The following XRCC4 variants were observed in gnomAD, a reference collection of about 807,000 sequenced individuals.
XRCC4 encodes the protein DNA repair protein XRCC4.
A neutral mutation model predicts 39.1 loss-of-function variants in XRCC4; 28 were observed. That is an observed-to-expected ratio of 0.72 (90% CI 0.53 to 0.98). XRCC4 has a LOEUF of 0.98. XRCC4 is among the 50% of genes least tolerant of loss of function. The probability of loss-of-function intolerance (pLI) is 0.00; values close to 1 mark genes in which losing one functional copy is unlikely to be tolerated. For synonymous variants in XRCC4, 123 were observed against 126.4 expected (o/e 0.97, Z 0.18); for missense variants, 350 against 376.4 (o/e 0.93, Z 0.58).
intron 6 of XRCC4, among the ~76,000 whole-genome samples, chr5:83,252,244 G>A (rs1753349301): frequency 6.6e-6 from 1 of 152,056 alleles, no homozygotes; most frequent in South Asian, 2.1e-4. Context: ...TGTATTTTAA[G>A]GTTTGCGTTT....
At chr5:83,279,893 G>A (rs558186069) in intron 7 of XRCC4, 6 of 157,038 alleles carry the variant, frequency 3.8e-5, no homozygotes, top group African/African-American at 1.4e-4. Flanking sequence ...ACAAGTAGGT[G>A]ACACCAGTTG....
Position 83,105,032 on chromosome 5 carries a change from A to T in XRCC4, c.113A>T (p.Asp38Val), listed in dbSNP as rs748540743. Residue 38 changes from aspartate to valine, a missense_variant, in exon 2 of 8, where the codon GAT becomes GTT. Physicochemically the swap from Asp to Val is radical, Grantham distance 152. Coordinates refer to ENST00000396027, the MANE Select transcript of XRCC4 (RefSeq NM_003401.5). Reference protein sequence around the residue: ...LESGFVITLTDGHSAWTGTVS... With the variant: ...LESGFVITLTVGHSAWTGTVS... ...TCTGGTTTTGTTATTACACTTACTG[A>T]TGGTCATTCAGCATGGACTGGGACA... The T allele has an allele frequency of 6.2e-7, 1 of 1,613,296 alleles. No individual in the cohort carries two copies.
At chr5:83,308,557 T>C (rs41484945) in intron 7 of XRCC4, among the ~76,000 whole-genome samples, 2,920 of 152,258 alleles carry the variant, frequency 0.019, 105 homozygotes, top group African/African-American at 0.067. Context: ...TGTACAGGTT[T>C]TGTCCTTAAT....
intron 3 of XRCC4, among the ~76,000 whole-genome samples, chr5:83,129,610 A>G (rs376236455): frequency 7.2e-5 from 11 of 152,062 alleles, no homozygotes; most frequent in African/African-American, 2.4e-4. Flanking sequence ...ATCCATGAGC[A>G]TGGAATGTTC....
At chr5:83,307,568 C>A (rs576488250) in intron 7 of XRCC4, among the ~76,000 whole-genome samples, 1 of 152,144 alleles carries the variant, frequency 6.6e-6, no homozygotes, top group African/African-American at 2.4e-5. Flanking sequence ...TTGGAAGCCA[C>A]ATTTAGTTGT....
chr5:83,306,782 G>A (rs919941933), intron 7 of XRCC4, among the ~76,000 whole-genome samples: 4 of 152,152 alleles, frequency 2.6e-5, no homozygotes, highest in East Asian at 1.9e-4. Flanking sequence ...GCTTTAGCCC[G>A]GGCAGTGACT....
chr5:83,128,185 C>T (rs1747371582), intron 3 of XRCC4, among the ~76,000 whole-genome samples: 1 of 152,066 alleles, frequency 6.6e-6, no homozygotes, highest in Non-Finnish European at 1.5e-5. Flanking sequence ...CAAGTGTTCT[C>T]ATTGTTCAGT....
intron 7 of XRCC4, among the ~76,000 whole-genome samples, chr5:83,304,841 A>G (rs767195417): frequency 2.0e-5 from 3 of 152,214 alleles, no homozygotes; most frequent in Non-Finnish European, 4.4e-5. Flanking sequence ...ATATCTACCT[A>G]AAAATATCTG....
At chr5:83,281,782 T>C (rs186661894) in intron 7 of XRCC4, among the ~76,000 whole-genome samples, 3 of 152,332 alleles carry the variant, frequency 2.0e-5, no homozygotes, top group African/African-American at 7.2e-5. Context: ...TCCTCCAATG[T>C]TGTCTGACTA....
At chr5:83,150,585 T>A (rs767137972) in intron 3 of XRCC4, among the ~76,000 whole-genome samples, 2 of 152,186 alleles carry the variant, frequency 1.3e-5, no homozygotes, top group African/African-American at 2.4e-5. Context: ...AAGATCTCTC[T>A]AGGTGTTAAC....
At chr5:83,083,881 G>A (rs148514574) in intron 1 of XRCC4, among the ~76,000 whole-genome samples, 7 of 152,000 alleles carry the variant, frequency 4.6e-5, no homozygotes, top group East Asian at 1.9e-4. Flanking sequence ...TTAAAGATTC[G>A]TATAATATTA....
chr5:83,226,188 A>T (rs2112802596), intron 6 of XRCC4, among the ~76,000 whole-genome samples: 1 of 152,164 alleles, frequency 6.6e-6, no homozygotes, highest in Admixed American at 6.6e-5. Context: ...GAGATTTAGG[A>T]TGCAGTTCCT....
At chr5:83,275,796 G>A (rs1754311190) in intron 7 of XRCC4, among the ~76,000 whole-genome samples, 1 of 152,336 alleles carries the variant, frequency 6.6e-6, no homozygotes, top group African/African-American at 2.4e-5. Flanking sequence ...GGTTCCTAAT[G>A]TGTAGATTTA....
intron 3 of XRCC4, among the ~76,000 whole-genome samples, chr5:83,179,798 G>A (rs1454326726): frequency 3.3e-5 from 5 of 152,124 alleles, no homozygotes; most frequent in Non-Finnish European, 7.4e-5. Flanking sequence ...GGTCAACCTG[G>A]ATTATAAGGT....
At chr5:83,335,404 A>G (rs1756564608) in intron 7 of XRCC4, among the ~76,000 whole-genome samples, 1 of 151,892 alleles carries the variant, frequency 6.6e-6, no homozygotes. Context: ...TACACATTTA[A>G]TAGTATTTTA....
intron 1 of XRCC4, among the ~76,000 whole-genome samples, chr5:83,080,329 C>G (rs1192331483): frequency 6.6e-6 from 1 of 152,088 alleles, no homozygotes; most frequent in East Asian, 1.9e-4. Context: ...GAGTTTGAGA[C>G]CAGCCTGGCC....
At chr5:83,309,755 C>CAAAAA (rs10597317) in intron 7 of XRCC4, among the ~76,000 whole-genome samples, 2 of 79,050 alleles carry the variant, frequency 2.5e-5, no homozygotes, top group Admixed American at 1.9e-4. Flanking sequence ...AGACCCGTCT[C>CAAAAA]AAAAAAAAAA....
intron 7 of XRCC4, among the ~76,000 whole-genome samples, chr5:83,286,475 TC>T (rs1754736729): frequency 1.3e-5 from 2 of 152,090 alleles, no homozygotes; most frequent in South Asian, 4.1e-4. Context: ...GGCTGGCAAG[TC>T]TGAAATATGT....
chr5:83,319,950 A>G (rs1443755138), intron 7 of XRCC4, among the ~76,000 whole-genome samples: 9 of 142,878 alleles, frequency 6.3e-5, no homozygotes, highest in African/African-American at 1.6e-4. Flanking sequence ...AAGACTTGGA[A>G]CCAACCCAAA....
Sources: allele counts gnomAD v4.1 joint callset (sites outside exome capture counted in the v4.1 genomes callset), GRCh38; gene constraint gnomAD v4.1.1; transcripts MANE v1.5; gene names NCBI Gene and HGNC (gene_info 2026-07-23, HGNC 2026-07-21).